Variants in DOCK8 observed in about 807,000 individuals in gnomAD.
The protein encoded by DOCK8 is dedicator of cytokinesis protein 8.
Under a neutral mutation model 245.6 loss-of-function variants are expected in DOCK8, and 141 were observed. The observed-to-expected ratio is 0.57, with a 90% CI of 0.50 to 0.66. The LOEUF (loss-of-function observed/expected upper bound fraction) is 0.66. DOCK8 is among the 30% of genes least tolerant of loss of function. The pLI is 0.00. For synonymous variants in DOCK8, 1,168 were observed against 970.2 expected (o/e 1.20, Z -3.79); for missense variants, 2,965 against 2,603.4 (o/e 1.14, Z -3.02).
chr9:400,037 C>G (rs906382312), intron 26 of DOCK8, among the ~76,000 whole-genome samples: 94 of 120,260 alleles, frequency 7.8e-4, no homozygotes, highest in South Asian at 1.3e-3. Flanking sequence ...ACCATCACCA[C>G]CACCACCTCC....
intron 20 of DOCK8, among the ~76,000 whole-genome samples, chr9:379,342 A>G (rs2053644302): frequency 6.6e-6 from 1 of 152,144 alleles, no homozygotes; most frequent in Non-Finnish European, 1.5e-5. Flanking sequence ...AGTGTCCACA[A>G]CAGTCACGTG....
Position 404,929 on chromosome 9 carries a change from G to A in DOCK8, c.3246G>A (p.Lys1082=). The change falls in exon 27 of 48, where the codon AAG becomes AAA. Residue 1082 remains lysine (K), a synonymous_variant. Transcript: ENST00000432829. ...ATTTTTCTTCCCAGCTGTCAGCCAA[G>A]CTCAGTAACCTTCCAACGCTCATTT... is the stretch of plus-strand genomic sequence containing the variant. ...IRHYCSQLSA[K]LSNLPTLISM... The A allele has an allele frequency of 1.9e-6, 3 of 1,614,010 alleles. No homozygotes were observed. Among genetic ancestry groups the A allele is most frequent in the Non-Finnish European group, 2.5e-6 (3 of 1,180,008 alleles).
At position 396,800 on chromosome 9, in the gene DOCK8, C is replaced by T; in HGVS notation, c.2986C>T (p.Gln996Ter). 1 of 1,614,114 alleles carries T rather than the reference C, an allele frequency of 6.2e-7. No homozygotes were observed. Among genetic ancestry groups the T allele is most frequent in the South Asian group, 1.1e-5 (1 of 91,080 alleles). Residue 996 changes from glutamine to a stop codon, truncating the protein, a stop_gained, in exon 25 of 48, where the codon CAG (glutamine) becomes TAG (stop). Transcript: ENST00000432829. LOFTEE classifies it high-confidence loss of function. ...FFELLVKSMA[Q>*]HVHNMDKRDS... is the part of the protein sequence containing the mutation. ...CCCTCCGCAGGTGAAAAGCATGGCC[C>T]AGCACGTACATAACATGGACAAACG...
intron 23 of DOCK8, among the ~76,000 whole-genome samples, chr9:388,173 G>T (rs1048714737): frequency 1.3e-5 from 2 of 152,130 alleles, no homozygotes; most frequent in South Asian, 2.1e-4. Context: ...TTCCTACAAT[G>T]AGAAGATCAA....
Position 236,097 on chromosome 9 carries a change from G to A in DOCK8, c.53+21068G>A, listed in dbSNP as rs542929844. Among the ~76,000 whole-genome samples, 12 of 152,258 alleles carry A rather than the reference G, an allele frequency of 7.9e-5. No homozygotes were observed. The South Asian group carries it at 2.5e-3, about 32-fold the overall frequency. Reference sequence around the variant, plus strand: ...AACAAGAATGCCAGTGGTTGGCCCTGCAGGCTTGGTGTCATGGCCCCCAAG... The same window carrying A: ...AACAAGAATGCCAGTGGTTGGCCCTACAGGCTTGGTGTCATGGCCCCCAAG... On this transcript the variant is annotated intron_variant, in intron 1 of 47. Coordinates refer to ENST00000432829, the MANE Select transcript of DOCK8 (RefSeq NM_203447.4).
At chr9:459,386 A>G (rs1237239183) in intron 46 of DOCK8, among the ~76,000 whole-genome samples, 1 of 152,256 alleles carries the variant, frequency 6.6e-6, no homozygotes, top group Non-Finnish European at 1.5e-5. Flanking sequence ...ATATTACTAC[A>G]TAAAATCTAA....
chr9:422,021 T>G (rs780010568), intron 32 of DOCK8, 27 bp from the exon 33 acceptor site: 3 of 1,583,728 alleles, frequency 1.9e-6, no homozygotes, highest in Non-Finnish European at 2.6e-6. Flanking sequence ...CTAATCAAAT[T>G]CCTATCATGC....
At chr9:297,479 T>C (rs536298907) in intron 4 of DOCK8, among the ~76,000 whole-genome samples, 7 of 152,316 alleles carry the variant, frequency 4.6e-5, no homozygotes, top group Admixed American at 2.6e-4. Context: ...ATAGGTCGAG[T>C]TCATTTCATG....
intron 18 of DOCK8, among the ~76,000 whole-genome samples, chr9:372,577 G>T (rs534118271): frequency 2.6e-4 from 40 of 152,282 alleles, no homozygotes; most frequent in South Asian, 1.5e-3. Flanking sequence ...GCAAACTAAG[G>T]CCATTCATAG....
intron 1 of DOCK8, among the ~76,000 whole-genome samples, chr9:247,229 T>C (rs2047526339): frequency 6.6e-6 from 1 of 152,214 alleles, no homozygotes; most frequent in Admixed American, 6.5e-5. Flanking sequence ...TTATTTATCA[T>C]ACTATTAATT....
At chr9:214,587 C>G (rs1457547506), upstream of DOCK8, 1 of 1,613,958 alleles carries the variant, frequency 6.2e-7, no homozygotes, top group East Asian at 2.2e-5. Context: ...CTGGCAGCCT[C>G]GCAGCTTCGG....
chr9:220,564 C>T (rs1301498933), intron 1 of DOCK8, among the ~76,000 whole-genome samples: 1 of 152,078 alleles, frequency 6.6e-6, no homozygotes, highest in Non-Finnish European at 1.5e-5. Flanking sequence ...GGGATGTTAC[C>T]ATACTCAGAC....
chr9:354,543 G>C (rs1255383908), intron 14 of DOCK8, among the ~76,000 whole-genome samples: 1 of 152,196 alleles, frequency 6.6e-6, no homozygotes, highest in East Asian at 1.9e-4. Context: ...GTTTATGTAG[G>C]TTACGCAGGT....
chr9:341,246 T>A lies in DOCK8; in HGVS notation c.1679+925T>A, dbSNP rs972919185. ...TCTACTATATTGGAGAGTATGGAGCTAGACACTGAAGGCCTAACAGGTTGG... is the reference window on the plus strand; with the variant it reads ...TCTACTATATTGGAGAGTATGGAGCAAGACACTGAAGGCCTAACAGGTTGG... On this transcript the variant is annotated intron_variant, in intron 14 of 47. Transcript: ENST00000432829. Among the ~76,000 whole-genome samples, 3 of 152,330 alleles carry A rather than the reference T, an allele frequency of 2.0e-5. No homozygotes were observed. In the East Asian group the frequency reaches 5.8e-4, roughly 29 times the overall value.
chr9:348,934 G>A (rs531532601), intron 14 of DOCK8, among the ~76,000 whole-genome samples: 125 of 152,240 alleles, frequency 8.2e-4, no homozygotes, highest in Non-Finnish European at 1.6e-3. Context: ...AGAGTGTTTG[G>A]CCATCTCTAA....
intron 1 of DOCK8, among the ~76,000 whole-genome samples, chr9:234,695 C>A (rs921302926): frequency 1.3e-5 from 2 of 152,198 alleles, no homozygotes; most frequent in Admixed American, 1.3e-4. Flanking sequence ...ACATCGGCTA[C>A]TGAGGCTTCT....
chr9:333,437 T>TA (rs369437829), intron 10 of DOCK8, among the ~76,000 whole-genome samples: 1,721 of 152,146 alleles, frequency 0.011, 29 homozygotes, highest in African/African-American at 0.039. Flanking sequence ...CCGTCTCTGC[T>TA]AAAAATACAA....
chr9:351,418 C>G (rs1294562207), intron 14 of DOCK8, among the ~76,000 whole-genome samples: 1 of 152,182 alleles, frequency 6.6e-6, no homozygotes, highest in African/African-American at 2.4e-5. Flanking sequence ...TCTCACTCAC[C>G]AATCACCAAG....
At chr9:355,541 C>G (rs957913530) in intron 14 of DOCK8, among the ~76,000 whole-genome samples, 1 of 151,784 alleles carries the variant, frequency 6.6e-6, no homozygotes, top group Admixed American at 6.6e-5. Flanking sequence ...ATGCATCACT[C>G]TCTAATAAAA....
Sources: gnomAD v4.1 joint callset for allele counts (sites outside exome capture counted in the v4.1 genomes callset) on GRCh38, gnomAD v4.1.1 for gene constraint, MANE v1.5 for transcripts, NCBI Gene and HGNC (gene_info 2026-07-23, HGNC 2026-07-21) for gene names.